The following LTBP1 variants were observed in gnomAD, a reference collection of about 807,000 sequenced individuals.
LTBP1 encodes latent transforming growth factor beta binding protein 1.
In LTBP1, 129 loss-of-function variants were observed where a neutral mutation model predicts 207.6. The observed-to-expected ratio is 0.62, with a 90% CI of 0.54 to 0.72. LTBP1 has a LOEUF of 0.72. LTBP1 is among the 30% of genes least tolerant of loss of function. LTBP1 has a pLI of 0.00. For missense variants in LTBP1, 2,281 were observed against 2,217.2 expected (o/e 1.03, Z -0.58); for synonymous variants, 963 against 833.7 (o/e 1.16, Z -2.67).
chr2:33,380,894 G>A (rs1186221112), intron 31 of LTBP1, among the ~76,000 whole-genome samples: 1 of 151,956 alleles, frequency 6.6e-6, no homozygotes, highest in Non-Finnish European at 1.5e-5. Flanking sequence ...CTTGGTTAAT[G>A]AAGAAAAAAA....
intron 3 of LTBP1, among the ~76,000 whole-genome samples, chr2:33,043,845 A>T (rs1215012254): frequency 6.6e-6 from 1 of 152,140 alleles, no homozygotes; most frequent in African/African-American, 2.4e-5. Flanking sequence ...AAAATGAGAG[A>T]CGGTGTTTAA....
At chr2:33,321,369 G>A (rs1467813565) in intron 24 of LTBP1, among the ~76,000 whole-genome samples, 2 of 152,168 alleles carry the variant, frequency 1.3e-5, no homozygotes, top group Non-Finnish European at 2.9e-5. Flanking sequence ...ATGCGTTGAC[G>A]TGTACTGAAA....
chr2:33,213,993 C>T (rs926816066), intron 7 of LTBP1, among the ~76,000 whole-genome samples: 2 of 152,090 alleles, frequency 1.3e-5, no homozygotes, highest in African/African-American at 2.4e-5. Flanking sequence ...TTTTGCCCTA[C>T]CAAATAAAAC....
chr2:33,235,483 A>G (rs2091997102), intron 9 of LTBP1, among the ~76,000 whole-genome samples: 1 of 152,200 alleles, frequency 6.6e-6, no homozygotes, highest in Non-Finnish European at 1.5e-5. Context: ...ACCATTGTGG[A>G]AGACAGTGTG....
intron 4 of LTBP1, among the ~76,000 whole-genome samples, chr2:33,113,714 T>C (rs1173563499): frequency 2.6e-5 from 4 of 152,222 alleles, no homozygotes; most frequent in Non-Finnish European, 5.9e-5. Context: ...CTCTTTTTTT[T>C]CCCAGCTTCT....
At chr2:33,277,580 G>C (rs1354137750) in intron 18 of LTBP1, among the ~76,000 whole-genome samples, 1 of 152,016 alleles carries the variant, frequency 6.6e-6, no homozygotes, top group Admixed American at 6.6e-5. Context: ...TTTTCAAGAA[G>C]TTATAGTTTC....
At chr2:33,301,078 CCT>C (rs2093981124) in intron 21 of LTBP1, among the ~76,000 whole-genome samples, 1 of 152,154 alleles carries the variant, frequency 6.6e-6, no homozygotes, top group South Asian at 2.1e-4. Context: ...ATGTTCTGTT[CCT>C]ACAGCTGATA....
chr2:33,062,463 C>T (rs1188760052), intron 3 of LTBP1, among the ~76,000 whole-genome samples: 1 of 152,104 alleles, frequency 6.6e-6, no homozygotes, highest in African/African-American at 2.4e-5. Context: ...TTTGAGTTCA[C>T]TTGAGTGTAG....
chr2:33,351,035 A>G (rs1447064965), intron 26 of LTBP1, among the ~76,000 whole-genome samples: 1 of 152,222 alleles, frequency 6.6e-6, no homozygotes, highest in Admixed American at 6.5e-5. Flanking sequence ...AGACAAGCAA[A>G]CAAAATCAGG....
At chr2:32,988,300 T>A (rs1683899862) in intron 2 of LTBP1, among the ~76,000 whole-genome samples, 1 of 152,192 alleles carries the variant, frequency 6.6e-6, no homozygotes. Context: ...GGACCTTTGT[T>A]ATTTGCTTTG....
At position 33,021,121 on chromosome 2, in the gene LTBP1, C is replaced by CG; in HGVS notation, c.778_779insG (p.Leu260ArgfsTer68). On this transcript the variant is annotated frameshift_variant, in exon 3 of 34. Coordinates refer to ENST00000404816, the MANE Select transcript of LTBP1 (RefSeq NM_206943.4). LOFTEE classifies it high-confidence loss of function. ...TACTTCATCTAAGAAGGCAGACACT[C>CG]TACCAAGAGTCAGCCCTGTGGCCCA... is the stretch of plus-strand genomic sequence containing the variant. The CG allele has an allele frequency of 6.2e-7, 1 of 1,614,050 alleles. No homozygotes were observed. Among genetic ancestry groups the CG allele is most frequent in the Non-Finnish European group, 8.5e-7 (1 of 1,179,964 alleles).
chr2:32,948,553 C>T (rs1384023447), intron 1 of LTBP1, among the ~76,000 whole-genome samples: 1 of 152,098 alleles, frequency 6.6e-6, no homozygotes, highest in African/African-American at 2.4e-5. Context: ...AAAATGTTGG[C>T]CCAGATAATA....
intron 7 of LTBP1, among the ~76,000 whole-genome samples, chr2:33,206,068 C>G (rs992463819): frequency 1.3e-5 from 2 of 152,158 alleles, no homozygotes; most frequent in African/African-American, 4.8e-5. Context: ...TTATGGCAAT[C>G]TAACACATAG....
chr2:33,041,282 CTTTCTTTTTT>C (rs1558550813), intron 3 of LTBP1, among the ~76,000 whole-genome samples: 1 of 151,490 alleles, frequency 6.6e-6, no homozygotes, highest in Admixed American at 6.6e-5. Context: ...TTTTCTTTTT[CTTTCTTTTTT>C]TTTCTTTTTT....
chr2:33,238,430 C>T (rs1032218538), intron 9 of LTBP1, among the ~76,000 whole-genome samples: 2 of 152,156 alleles, frequency 1.3e-5, no homozygotes, highest in African/African-American at 2.4e-5. Flanking sequence ...TTGTGCTGTT[C>T]GTAATATATT....
chr2:33,052,955 A>T (rs2076818849), intron 3 of LTBP1, among the ~76,000 whole-genome samples: 1 of 150,610 alleles, frequency 6.6e-6, no homozygotes, highest in South Asian at 2.1e-4. Context: ...GCTCACTGCA[A>T]CCTCTGCCTT....
At chr2:32,959,965 A>G (rs1304612285) in intron 2 of LTBP1, among the ~76,000 whole-genome samples, 1 of 152,046 alleles carries the variant, frequency 6.6e-6, no homozygotes, top group Non-Finnish European at 1.5e-5. Context: ...CCATCCTCCC[A>G]TATGCATTTC....
At chr2:33,111,118 C>T (rs369269962) in intron 4 of LTBP1, among the ~76,000 whole-genome samples, 7 of 152,296 alleles carry the variant, frequency 4.6e-5, no homozygotes, top group Admixed American at 6.5e-5. Context: ...CCTTGTGAAA[C>T]GTCTGAAATG....
Position 33,134,681 on chromosome 2 carries a change from C to G in LTBP1, c.1034-112C>G. On this transcript the variant is annotated intron_variant, in intron 4 of 33. Coordinates refer to ENST00000404816, the MANE Select transcript of LTBP1 (RefSeq NM_206943.4). The surrounding 1 kb of genome is among the most constrained non-coding windows in gnomAD (Gnocchi z 4.4). ...TCGGGTTGTGGGCTCTCTCTTTTCC[C>G]CTCTTGCTCCTTTCTTTTCTTTTTT... 1 of 1,593,414 alleles carries G rather than the reference C, an allele frequency of 6.3e-7. No homozygotes were observed. The highest frequency in any genetic ancestry group is 8.5e-7 in the Non-Finnish European group (1 of 1,171,726).
Sources: allele counts gnomAD v4.1 joint callset (sites outside exome capture counted in the v4.1 genomes callset), GRCh38; gene constraint gnomAD v4.1.1; non-coding constraint Gnocchi (gnomAD v3.1); transcripts MANE v1.5; gene names NCBI Gene and HGNC (gene_info 2026-07-23, HGNC 2026-07-21).